The following NOX3 variants were observed in gnomAD, a reference collection of about 807,000 sequenced individuals.
The protein encoded by NOX3 is NADPH oxidase 3.
In NOX3, 74 loss-of-function variants were observed where a neutral mutation model predicts 76.7. The ratio of observed to expected loss-of-function variants is 0.96; its 90% CI spans 0.80 to 1.17. The LOEUF (loss-of-function observed/expected upper bound fraction) is 1.17. Ranked by LOEUF, NOX3 falls within the 50% of genes most tolerant of loss-of-function variation. The pLI, the probability that NOX3 is intolerant of heterozygous loss-of-function variation, is 0.00. For missense variants in NOX3, 695 were observed against 703.3 expected (o/e 0.99, Z 0.13); for synonymous variants, 263 against 261.1 (o/e 1.01, Z -0.07).
intron 4 of NOX3, among the ~76,000 whole-genome samples, chr6:155,449,252 C>T (rs549412960): frequency 2.6e-5 from 4 of 152,104 alleles, no homozygotes; most frequent in Non-Finnish European, 4.4e-5. Context: ...GAGCTGCACT[C>T]GGCTAATTGT....
At position 155,429,024 on chromosome 6, in the gene NOX3, G is replaced by T; in HGVS notation, c.915C>A (p.Val305=). 1 of 1,604,020 alleles carries T rather than the reference G, an allele frequency of 6.2e-7. No individual in the cohort carries two copies. Among genetic ancestry groups the T allele is most frequent in the South Asian group, 1.1e-5 (1 of 89,984 alleles). ...ITKVVSHPSG[V]LELHMKKRGF... ...CACGCTTTTTCATGTGAAGTTCCAG[G>T]ACTCCAGAGGGGTGGCTTACCACCT... The change falls in exon 9 of 14, where the codon GTC becomes GTA. Residue 305 remains valine, a synonymous_variant. Coordinates refer to ENST00000159060, the MANE Select transcript of NOX3 (RefSeq NM_015718.3).
intron 13 of NOX3, among the ~76,000 whole-genome samples, chr6:155,395,993 T>G (rs894726642): frequency 6.6e-6 from 1 of 152,172 alleles, no homozygotes; most frequent in Non-Finnish European, 1.5e-5. Flanking sequence ...TTTGTAAATA[T>G]ATGGCATATA....
chr6:155,449,682 A>G (rs1777109935), intron 4 of NOX3, among the ~76,000 whole-genome samples: 1 of 152,150 alleles, frequency 6.6e-6, no homozygotes, highest in Non-Finnish European at 1.5e-5. Context: ...TACATCCTTT[A>G]ATGATTTGAC....
chr6:155,448,569 A>T (rs1279790174), intron 4 of NOX3, among the ~76,000 whole-genome samples: 1 of 151,232 alleles, frequency 6.6e-6, no homozygotes, highest in Non-Finnish European at 1.5e-5. Flanking sequence ...TTTTGGAAAC[A>T]CTACACATGC....
chr6:155,443,438 C>T lies in NOX3; in HGVS notation c.341-20G>A, dbSNP rs1323836239. On this transcript the variant is annotated intron_variant, in intron 4 of 13. Transcript: ENST00000159060. ...GGATGGCTAGGACAAGGAGATGACA[C>T]CAAACATGCACCCTGTGGCTTGCTT... is the stretch of plus-strand genomic sequence containing the variant. 5.6e-6 allele frequency: 9 copies of T among 1,611,972 alleles called. No homozygotes were observed. The highest frequency in any genetic ancestry group is 6.8e-6 in the Non-Finnish European group (8 of 1,178,866).
intron 12 of NOX3, among the ~76,000 whole-genome samples, chr6:155,404,045 A>G (rs1319320024): frequency 6.6e-6 from 1 of 152,046 alleles, no homozygotes; most frequent in East Asian, 1.9e-4. Flanking sequence ...CCATGTCAAA[A>G]GCCTGCGAAG....
At chr6:155,451,181 G>A (rs1448170139) in intron 4 of NOX3, among the ~76,000 whole-genome samples, 3 of 152,054 alleles carry the variant, frequency 2.0e-5, no homozygotes, top group Non-Finnish European at 4.4e-5. Context: ...GTTTCACCAT[G>A]TTGGTCAGGC....
chr6:155,431,924 A>G (rs917202232), intron 7 of NOX3, among the ~76,000 whole-genome samples: 1 of 152,154 alleles, frequency 6.6e-6, no homozygotes, highest in African/African-American at 2.4e-5. Context: ...GCATTGCCAT[A>G]TTATCGTGGT....
chr6:155,411,599 G>A (rs1776553168), intron 10 of NOX3, among the ~76,000 whole-genome samples: 1 of 152,200 alleles, frequency 6.6e-6, no homozygotes, highest in Admixed American at 6.5e-5. Context: ...TGTGGGCCGT[G>A]CCAGTTTCTC....
intron 7 of NOX3, among the ~76,000 whole-genome samples, chr6:155,432,672 G>C (rs1329507623): frequency 6.6e-6 from 1 of 151,934 alleles, no homozygotes; most frequent in Non-Finnish European, 1.5e-5. Flanking sequence ...TTTCCTGGGG[G>C]GGCTCTTGGC....
At chr6:155,431,367 G>C (rs1246228886) in intron 7 of NOX3, among the ~76,000 whole-genome samples, 2 of 150,436 alleles carry the variant, frequency 1.3e-5, no homozygotes, top group Admixed American at 6.6e-5. Flanking sequence ...AATTTTTTGG[G>C]CCAAGAATGC....
At chr6:155,438,373 G>A (rs1285876398) in intron 6 of NOX3, among the ~76,000 whole-genome samples, 3 of 152,210 alleles carry the variant, frequency 2.0e-5, no homozygotes, top group Admixed American at 2.0e-4. Context: ...AGAATGGAAA[G>A]CCTCTAGCCA....
At chr6:155,442,064 A>G (rs1486988004) in intron 5 of NOX3, among the ~76,000 whole-genome samples, 1 of 152,274 alleles carries the variant, frequency 6.6e-6, no homozygotes. Context: ...GGCGATCAAG[A>G]CCATCCTGGC....
chr6:155,450,627 T>C (rs1184719479), intron 4 of NOX3, among the ~76,000 whole-genome samples: 1 of 152,168 alleles, frequency 6.6e-6, no homozygotes, highest in Non-Finnish European at 1.5e-5. Flanking sequence ...GAGGCTGCGC[T>C]GGGGGAGGTA....
chr6:155,401,895 A>C (rs1779234454), intron 12 of NOX3, among the ~76,000 whole-genome samples: 1 of 152,202 alleles, frequency 6.6e-6, no homozygotes, highest in South Asian at 2.1e-4. Context: ...ATAGGTCAAA[A>C]GTAGAAAACT....
intron 4 of NOX3, among the ~76,000 whole-genome samples, chr6:155,451,064 C>T (rs561241990): frequency 2.6e-5 from 4 of 152,132 alleles, no homozygotes; most frequent in South Asian, 2.1e-4. Context: ...CTACAACCTC[C>T]ACCTCCCGGG....
chr6:155,411,424 C>A (rs1776550504), intron 10 of NOX3, 64 bp from the exon 11 acceptor site: 2 of 1,435,162 alleles, frequency 1.4e-6, no homozygotes, highest in South Asian at 1.5e-5. Flanking sequence ...TAATCACAGA[C>A]TACTTTATCT....
intron 10 of NOX3, among the ~76,000 whole-genome samples, chr6:155,412,404 T>C (rs1776562763): frequency 6.6e-6 from 1 of 152,228 alleles, no homozygotes; most frequent in Admixed American, 6.5e-5. Context: ...ATCTCAAAGC[T>C]AAACATCTTG....
chr6:155,428,140 A>T (rs2114693730), intron 9 of NOX3, among the ~76,000 whole-genome samples: 1 of 152,324 alleles, frequency 6.6e-6, no homozygotes, highest in South Asian at 2.1e-4. Context: ...ACCTCAAGTG[A>T]TCCGCCCGCC....
Sources: allele counts gnomAD v4.1 joint callset (sites outside exome capture counted in the v4.1 genomes callset), GRCh38; gene constraint gnomAD v4.1.1; transcripts MANE v1.5; gene names NCBI Gene and HGNC (gene_info 2026-07-23, HGNC 2026-07-21).